Variants in SLC25A26 observed in about 807,000 individuals in gnomAD.
SLC25A26 encodes solute carrier family 25 member 26, also known as mitochondrial S-adenosylmethionine carrier protein.
SLC25A26 carries 36 observed loss-of-function variants against 37.8 expected under a neutral mutation model. The ratio of observed to expected loss-of-function variants is 0.95; its 90% CI spans 0.73 to 1.26. The LOEUF is 1.26. SLC25A26 is among the 50% of genes most tolerant of loss of function. SLC25A26 has a pLI of 0.00. For synonymous variants in SLC25A26, 129 were observed against 122.5 expected (o/e 1.05, Z -0.35); for missense variants, 390 against 331.1 (o/e 1.18, Z -1.38).
chr3:66,363,372 C>T (rs1338361460), intron 7 of SLC25A26, among the ~76,000 whole-genome samples: 2 of 152,028 alleles, frequency 1.3e-5, no homozygotes, highest in Admixed American at 1.3e-4. Context: ...TAACTAGTGT[C>T]AGGAGAGCAG....
chr3:66,260,627 G>A (rs573339570), intron 3 of SLC25A26, among the ~76,000 whole-genome samples: 17 of 152,214 alleles, frequency 1.1e-4, no homozygotes, highest in African/African-American at 3.9e-4. Flanking sequence ...CACATCACAT[G>A]GTGTCTTTGT....
chr3:66,251,707 C>T (rs556760579), intron 3 of SLC25A26, among the ~76,000 whole-genome samples: 2 of 152,266 alleles, frequency 1.3e-5, no homozygotes, highest in African/African-American at 4.8e-5. Context: ...AGAGATTTAT[C>T]AGTGAGGCCT....
At chr3:66,362,013 C>G (rs1256585600) in intron 6 of SLC25A26, among the ~76,000 whole-genome samples, 1 of 152,036 alleles carries the variant, frequency 6.6e-6, no homozygotes, top group Non-Finnish European at 1.5e-5. Flanking sequence ...CTGCAACACA[C>G]TTGCTAGAAT....
chr3:66,167,603 T>A (rs1051721710), intron 1 of SLC25A26, among the ~76,000 whole-genome samples: 2 of 152,166 alleles, frequency 1.3e-5, no homozygotes, highest in African/African-American at 4.8e-5. Flanking sequence ...TAAAATAAAA[T>A]TTTTGAAAGC....
intron 5 of SLC25A26, among the ~76,000 whole-genome samples, chr3:66,314,960 G>A (rs6781987): frequency 0.23 from 34,933 of 151,310 alleles, 4,685 homozygotes; most frequent in African/African-American, 0.37. Context: ...CTGTGGGGTC[G>A]CCAGTGATAT....
At chr3:66,283,405 T>A (rs2074409876) in intron 5 of SLC25A26, among the ~76,000 whole-genome samples, 1 of 152,174 alleles carries the variant, frequency 6.6e-6, no homozygotes, top group African/African-American at 2.4e-5. Context: ...CTCAGCTTCC[T>A]GAGAAGCTGG....
intron 1 of SLC25A26, among the ~76,000 whole-genome samples, chr3:66,203,400 A>C (rs2071134351): frequency 6.6e-6 from 1 of 152,240 alleles, no homozygotes; most frequent in East Asian, 1.9e-4. Context: ...GAAAAAAAAA[A>C]ACTTAAGCCC....
chr3:66,237,477 T>G (rs1405185914), intron 2 of SLC25A26, among the ~76,000 whole-genome samples: 1 of 152,236 alleles, frequency 6.6e-6, no homozygotes, highest in African/African-American at 2.4e-5. Flanking sequence ...TTGGAGCATC[T>G]TAGAGAGCAG....
At chr3:66,234,628 G>A (rs1486827614) in intron 1 of SLC25A26, among the ~76,000 whole-genome samples, 2 of 152,154 alleles carry the variant, frequency 1.3e-5, no homozygotes, top group Non-Finnish European at 2.9e-5. Context: ...TTGAAAATAG[G>A]TATTGGATTT....
At chr3:66,344,433 C>T (rs992380451) in intron 5 of SLC25A26, among the ~76,000 whole-genome samples, 3 of 151,568 alleles carry the variant, frequency 2.0e-5, no homozygotes, top group African/African-American at 7.3e-5. Context: ...ACTGCACTCC[C>T]GCCTGACCGA....
intron 5 of SLC25A26, among the ~76,000 whole-genome samples, chr3:66,277,562 A>T (rs1412935797): frequency 1.3e-5 from 2 of 152,152 alleles, no homozygotes; most frequent in African/African-American, 2.4e-5. Flanking sequence ...TGTGGTAATC[A>T]TTACACATTG....
intron 3 of SLC25A26, among the ~76,000 whole-genome samples, chr3:66,256,990 A>G (rs2073330194): frequency 6.6e-6 from 1 of 152,130 alleles, no homozygotes; most frequent in African/African-American, 2.4e-5. Flanking sequence ...GGCTAGTTTC[A>G]TTTGTTTTCA....
chr3:66,225,249 C>A (rs184607760), intron 1 of SLC25A26, among the ~76,000 whole-genome samples: 1 of 152,168 alleles, frequency 6.6e-6, no homozygotes, highest in Non-Finnish European at 1.5e-5. Flanking sequence ...CTGGACATCC[C>A]GACGTTTCCG....
intron 1 of SLC25A26, among the ~76,000 whole-genome samples, chr3:66,224,232 C>T (rs919383323): frequency 3.9e-5 from 6 of 152,188 alleles, no homozygotes; most frequent in Admixed American, 1.3e-4. Context: ...AGGATTACAT[C>T]GTGTTAGTCT....
At chr3:66,250,761 A>G (rs1363620103) in intron 3 of SLC25A26, among the ~76,000 whole-genome samples, 1 of 152,090 alleles carries the variant, frequency 6.6e-6, no homozygotes, top group Non-Finnish European at 1.5e-5. Context: ...ACTGGGGTAG[A>G]TGGATGGGTG....
chr3:66,199,394 GTCAC>G (rs1407516588), intron 1 of SLC25A26, among the ~76,000 whole-genome samples: 2 of 151,428 alleles, frequency 1.3e-5, no homozygotes, highest in East Asian at 3.9e-4. Context: ...AAACCTCACT[GTCAC>G]TCTCATGTTG....
intron 5 of SLC25A26, among the ~76,000 whole-genome samples, chr3:66,331,523 A>G (rs1007208134): frequency 6.6e-6 from 1 of 152,200 alleles, no homozygotes; most frequent in Non-Finnish European, 1.5e-5. Context: ...TTTAAACAGA[A>G]TATAGATAGG....
chr3:66,143,858 G>C (rs149532082), intron 1 of SLC25A26, among the ~76,000 whole-genome samples: 8 of 152,126 alleles, frequency 5.3e-5, no homozygotes, highest in Non-Finnish European at 8.8e-5. Flanking sequence ...TCCAGCCTGG[G>C]CAACAGAGTA....
At chr3:66,256,379 C>G (rs1559623417) in intron 3 of SLC25A26, among the ~76,000 whole-genome samples, 1 of 152,000 alleles carries the variant, frequency 6.6e-6, no homozygotes, top group African/African-American at 2.4e-5. Flanking sequence ...TAAATTAGCC[C>G]TTTTATTTTA....
Sources: gnomAD v4.1 joint callset for allele counts (sites outside exome capture counted in the v4.1 genomes callset) on GRCh38, gnomAD v4.1.1 for gene constraint, MANE v1.5 for transcripts, NCBI Gene and HGNC (gene_info 2026-07-23, HGNC 2026-07-21) for gene names.